NEGR1: variants seen among roughly 807,000 people sequenced by gnomAD.
NEGR1 encodes neuronal growth regulator 1.
NEGR1 carries 10 observed loss-of-function variants against 40.9 expected under a neutral mutation model. That is an observed-to-expected ratio of 0.24 (90% CI 0.15 to 0.42). The LOEUF (loss-of-function observed/expected upper bound fraction) is 0.42. Ranked by LOEUF, NEGR1 falls within the 10% of genes least tolerant of loss-of-function variation. NEGR1 has a pLI of 1.00. For missense variants in NEGR1, 352 were observed against 438.9 expected (o/e 0.80, Z 1.77); for synonymous variants, 185 against 166.8 (o/e 1.11, Z -0.84).
At chr1:72,256,016 G>A (rs1257041481) in intron 1 of NEGR1, among the ~76,000 whole-genome samples, 1 of 152,096 alleles carries the variant, frequency 6.6e-6, no homozygotes, top group African/African-American at 2.4e-5. Flanking sequence ...AACAAATAGA[G>A]CTAAATTATT....
intron 4 of NEGR1, among the ~76,000 whole-genome samples, chr1:71,616,124 A>G (rs978605460): frequency 6.6e-6 from 1 of 152,190 alleles, no homozygotes; most frequent in Non-Finnish European, 1.5e-5. Flanking sequence ...ACTTCTTAGA[A>G]ATTGTGATGT....
intron 6 of NEGR1, among the ~76,000 whole-genome samples, chr1:71,579,140 G>T (rs1463607010): frequency 6.6e-6 from 1 of 152,042 alleles, no homozygotes; most frequent in African/African-American, 2.4e-5. Flanking sequence ...ACATTTCCTT[G>T]CAAGTCCACT....
chr1:71,610,590 T>G (rs1368554581), intron 5 of NEGR1, among the ~76,000 whole-genome samples: 1 of 152,170 alleles, frequency 6.6e-6, no homozygotes, highest in Non-Finnish European at 1.5e-5. Flanking sequence ...AAACAAAATG[T>G]TAAACTATCT....
At chr1:71,666,428 G>T (rs1327246487) in intron 4 of NEGR1, among the ~76,000 whole-genome samples, 1 of 152,054 alleles carries the variant, frequency 6.6e-6, no homozygotes, top group Non-Finnish European at 1.5e-5. Context: ...AGAAGCTAAA[G>T]CATAGGCACT....
At chr1:72,011,669 T>C (rs1246945572) in intron 1 of NEGR1, among the ~76,000 whole-genome samples, 1 of 152,124 alleles carries the variant, frequency 6.6e-6, no homozygotes, top group Non-Finnish European at 1.5e-5. Flanking sequence ...TCACTTCAAG[T>C]AACAGAAGTA....
intron 1 of NEGR1, among the ~76,000 whole-genome samples, chr1:72,168,836 G>A (rs1172424276): frequency 6.6e-6 from 1 of 152,126 alleles, no homozygotes; most frequent in East Asian, 1.9e-4. Flanking sequence ...AGAGGCAGAG[G>A]CTGCAGTGAG....
At chr1:71,442,609 G>A (rs780691132) in intron 6 of NEGR1, among the ~76,000 whole-genome samples, 19 of 151,894 alleles carry the variant, frequency 1.3e-4, no homozygotes, top group Admixed American at 2.0e-4. Flanking sequence ...GTGAGACTCC[G>A]TCTCAAAAAA....
chr1:71,839,315 T>C (rs1659154590), intron 2 of NEGR1, among the ~76,000 whole-genome samples: 1 of 150,484 alleles, frequency 6.6e-6, no homozygotes, highest in South Asian at 2.1e-4. Flanking sequence ...GTAATTCTCC[T>C]GCCTCAGCCT....
Position 71,861,677 on chromosome 1 carries a change from G to A in NEGR1, c.409+73402C>T, listed in dbSNP as rs531620796. On this transcript the variant is annotated intron_variant, in intron 2 of 6. Transcript: ENST00000357731. ...ACCTTTATAAATAAACTGATTATTC[G>A]CAAGCATAAAATGAAATTAATTTTG... Among the ~76,000 whole-genome samples the A allele has an allele frequency of 1.8e-4, 27 of 152,100 alleles. 1 individual carries two copies. In the South Asian group the frequency reaches 2.9e-3, roughly 16 times the overall value.
At chr1:71,444,797 G>A (rs1450161143) in intron 6 of NEGR1, among the ~76,000 whole-genome samples, 3 of 152,128 alleles carry the variant, frequency 2.0e-5, no homozygotes, top group Non-Finnish European at 4.4e-5. Context: ...GCAGTAAGTA[G>A]TCACATGACA....
At chr1:71,679,166 A>G (rs1652743720) in intron 4 of NEGR1, among the ~76,000 whole-genome samples, 1 of 152,156 alleles carries the variant, frequency 6.6e-6, no homozygotes, top group African/African-American at 2.4e-5. Context: ...TTGTATAATT[A>G]CAATGATGTT....
At chr1:71,983,065 T>C (rs1417403663) in intron 1 of NEGR1, among the ~76,000 whole-genome samples, 1 of 152,136 alleles carries the variant, frequency 6.6e-6, no homozygotes, top group Non-Finnish European at 1.5e-5. Flanking sequence ...AAATAATAAA[T>C]GTTCTTTTTA....
At chr1:72,149,896 A>AG (rs1228124781) in intron 1 of NEGR1, among the ~76,000 whole-genome samples, 3 of 150,558 alleles carry the variant, frequency 2.0e-5, no homozygotes, top group African/African-American at 7.3e-5. Flanking sequence ...AAAAAAAAAA[A>AG]AAAAAGAAAG....
At chr1:71,591,326 A>G (rs568339960) in intron 6 of NEGR1, among the ~76,000 whole-genome samples, 1 of 152,296 alleles carries the variant, frequency 6.6e-6, no homozygotes, top group South Asian at 2.1e-4. Context: ...TTGCCAGAGT[A>G]AAACAAATGT....
intron 1 of NEGR1, among the ~76,000 whole-genome samples, chr1:72,259,942 TTTG>T (rs1655402197): frequency 6.6e-6 from 1 of 152,122 alleles, no homozygotes; most frequent in African/African-American, 2.4e-5. Flanking sequence ...TCAGATGATT[TTTG>T]TTGTGTTTAT....
At chr1:71,609,867 G>A (rs1194421163) in intron 5 of NEGR1, among the ~76,000 whole-genome samples, 1 of 152,190 alleles carries the variant, frequency 6.6e-6, no homozygotes, top group African/African-American at 2.4e-5. Context: ...AAAGACCCAT[G>A]GGAGGTGATT....
intron 6 of NEGR1, among the ~76,000 whole-genome samples, chr1:71,508,452 G>A (rs1647050654): frequency 6.6e-6 from 1 of 151,962 alleles, no homozygotes; most frequent in African/African-American, 2.4e-5. Context: ...ATATGGCTAG[G>A]ATGGGCTACT....
At chr1:71,995,514 T>A (rs1482694247) in intron 1 of NEGR1, among the ~76,000 whole-genome samples, 1 of 152,120 alleles carries the variant, frequency 6.6e-6, no homozygotes, top group Non-Finnish European at 1.5e-5. Context: ...TGAAGAATGG[T>A]AGAGATTCTT....
chr1:71,714,682 A>C (rs1654214783), intron 3 of NEGR1, among the ~76,000 whole-genome samples: 1 of 152,170 alleles, frequency 6.6e-6, no homozygotes, highest in South Asian at 2.1e-4. Flanking sequence ...TTCCAAAATG[A>C]TCTCCTTTGA....
Sources: allele counts gnomAD v4.1 joint callset (sites outside exome capture counted in the v4.1 genomes callset), GRCh38; gene constraint gnomAD v4.1.1; transcripts MANE v1.5; gene names NCBI Gene and HGNC (gene_info 2026-07-23, HGNC 2026-07-21).